IQGAP2: variants seen among roughly 807,000 people sequenced by gnomAD.
The protein encoded by IQGAP2 is ras GTPase-activating-like protein IQGAP2.
Under a neutral mutation model 201.3 loss-of-function variants are expected in IQGAP2, and 173 were observed. The observed-to-expected ratio is 0.86, with a 90% CI of 0.76 to 0.98. The LOEUF (loss-of-function observed/expected upper bound fraction) is 0.98, where lower values mean the gene tolerates loss of function less well. Ranked by LOEUF, IQGAP2 falls within the 50% of genes least tolerant of loss-of-function variation. The pLI is 0.00. For synonymous variants in IQGAP2, 675 were observed against 673.9 expected, an observed-to-expected ratio of 1.00 and a Z score of -0.03; for missense variants, 1,687 against 1,864.8, an observed-to-expected ratio of 0.90 and a Z score of 1.76.
intron 1 of IQGAP2, among the ~76,000 whole-genome samples, chr5:76,436,476 CATATATATATATATATAT>C (rs1283261181): frequency 2.2e-3 from 47 of 21,472 alleles, no homozygotes; most frequent in East Asian, 9.7e-3. Flanking sequence ...TTGAGATGAT[CATATATATATATATATAT>C]ATATATATAT....
intron 2 of IQGAP2, among the ~76,000 whole-genome samples, chr5:76,497,507 G>A (rs780769677): frequency 6.6e-6 from 1 of 152,212 alleles, no homozygotes; most frequent in African/African-American, 2.4e-5. Flanking sequence ...GTTTCACTCA[G>A]ATTCATTGTC....
chr5:76,659,023 A>C (rs1028122003), intron 21 of IQGAP2, among the ~76,000 whole-genome samples: 2 of 152,208 alleles, frequency 1.3e-5, no homozygotes, highest in Admixed American at 6.5e-5. Flanking sequence ...CTTATGTCTT[A>C]TATGAGGTCC....
At chr5:76,686,346 G>T (rs111442330) in intron 30 of IQGAP2, among the ~76,000 whole-genome samples, 7,367 of 124,380 alleles carry the variant, frequency 0.059, 405 homozygotes, top group African/African-American at 0.16. Context: ...TTTTTTTGTT[G>T]TTGTTGTTGT....
intron 3 of IQGAP2, among the ~76,000 whole-genome samples, chr5:76,567,370 A>T (rs1744824045): frequency 6.6e-6 from 1 of 152,246 alleles, no homozygotes; most frequent in Admixed American, 6.5e-5. Context: ...TCTGATGCAA[A>T]TATTCCAGAA....
chr5:76,512,049 A>G (rs1758001187), intron 2 of IQGAP2, among the ~76,000 whole-genome samples: 6 of 152,194 alleles, frequency 3.9e-5, no homozygotes, highest in Admixed American at 3.9e-4. Context: ...AGATTATATT[A>G]CATTGCAGAT....
chr5:76,490,283 A>G (rs1448870769), intron 2 of IQGAP2, among the ~76,000 whole-genome samples: 2 of 152,282 alleles, frequency 1.3e-5, no homozygotes, highest in African/African-American at 2.4e-5. Flanking sequence ...TTGCATATCT[A>G]ACAATATGCA....
chr5:76,663,335 C>G (rs1318383326), intron 21 of IQGAP2, among the ~76,000 whole-genome samples: 1 of 152,172 alleles, frequency 6.6e-6, no homozygotes, highest in African/African-American at 2.4e-5. Flanking sequence ...AAATAGAGTC[C>G]TCACGTGGAG....
rs1748022604 is a variant in IQGAP2, at chr5:76,707,609, T to C, written c.*296T>C. 2 of 238,136 alleles carry C rather than the reference T, an allele frequency of 8.4e-6. No homozygotes were observed. The highest frequency in any genetic ancestry group is 2.4e-4 in the South Asian group (2 of 8,394). The allele number at this position is 238,136 out of a possible 1,614,324, so 14.8% of individuals were successfully genotyped here. The stretch of plus-strand genomic sequence containing the variant: ...TGTTTTAAAGTTGGGGGGTGGGAAA[T>C]TTAGCTGACTAGGGACAAACATGTA... On this transcript the variant is annotated 3_prime_UTR_variant, in exon 36 of 36. Transcript: ENST00000274364.
chr5:76,664,600 T>G (rs1743569573), intron 21 of IQGAP2, among the ~76,000 whole-genome samples: 1 of 152,136 alleles, frequency 6.6e-6, no homozygotes, highest in African/African-American at 2.4e-5. Flanking sequence ...GTGGAATCGC[T>G]TGAACCTGGC....
intron 2 of IQGAP2, among the ~76,000 whole-genome samples, chr5:76,483,610 A>G (rs4074256): frequency 0.97 from 147,786 of 152,316 alleles, 71,866 homozygotes; most frequent in Non-Finnish European, 1. Context: ...CGAGTCAAGC[A>G]CATAAAAGGC....
At chr5:76,671,716 T>A in intron 23 of IQGAP2, 43 bp from the exon 24 acceptor site, 62 of 1,193,758 alleles carry the variant, frequency 5.2e-5, no homozygotes, top group Non-Finnish European at 7.0e-5. Context: ...AAAATCTGTA[T>A]CCATGGAAGC....
At chr5:76,405,581 A>C (rs1358956445) in intron 1 of IQGAP2, among the ~76,000 whole-genome samples, 1 of 152,204 alleles carries the variant, frequency 6.6e-6, no homozygotes, top group Non-Finnish European at 1.5e-5. Flanking sequence ...TTGGTTTATG[A>C]ATGGTGTATT....
At chr5:76,676,720 A>C (rs1369674969) in intron 27 of IQGAP2, among the ~76,000 whole-genome samples, 1 of 152,224 alleles carries the variant, frequency 6.6e-6, no homozygotes, top group Non-Finnish European at 1.5e-5. Context: ...GCAACGAAGA[A>C]GAGTAGACTT....
At chr5:76,404,908 T>G (rs1343003962) in intron 1 of IQGAP2, among the ~76,000 whole-genome samples, 3 of 149,796 alleles carry the variant, frequency 2.0e-5, no homozygotes, top group Admixed American at 2.0e-4. Context: ...CTTTTTGCCT[T>G]TTGGTAAACC....
At chr5:76,683,362 T>C in intron 29 of IQGAP2, 145 bp downstream of exon 29, 2 of 569,190 alleles carry the variant, frequency 3.5e-6, no homozygotes, top group South Asian at 5.0e-5. Flanking sequence ...ACAACTACAC[T>C]TGCCCCTTCC....
chr5:76,460,587 C>T (rs1212726940), intron 1 of IQGAP2, among the ~76,000 whole-genome samples: 2 of 152,054 alleles, frequency 1.3e-5, no homozygotes, highest in African/African-American at 2.4e-5. Flanking sequence ...CCTGGACTCT[C>T]GCAATGGAGG....
intron 1 of IQGAP2, among the ~76,000 whole-genome samples, chr5:76,436,832 G>C (rs557443218): frequency 6.6e-6 from 1 of 150,770 alleles, no homozygotes; most frequent in Admixed American, 6.6e-5. Flanking sequence ...CTGGCCAATC[G>C]TATGGTTTTG....
chr5:76,668,165 G>T (rs887412158), intron 22 of IQGAP2, among the ~76,000 whole-genome samples: 1 of 152,042 alleles, frequency 6.6e-6, no homozygotes, highest in Non-Finnish European at 1.5e-5. Context: ...TTATAAGTGT[G>T]AGCCACCATG....
chr5:76,554,110 TA>T (rs1743744376), intron 2 of IQGAP2, among the ~76,000 whole-genome samples: 1 of 152,152 alleles, frequency 6.6e-6, no homozygotes, highest in Non-Finnish European at 1.5e-5. Context: ...TCAACAAAGG[TA>T]GTCTTTTCAA....
Sources: gnomAD v4.1 joint callset for allele counts (sites outside exome capture counted in the v4.1 genomes callset) on GRCh38, gnomAD v4.1.1 for gene constraint, MANE v1.5 for transcripts, NCBI Gene and HGNC (gene_info 2026-07-23, HGNC 2026-07-21) for gene names.